Variants in SHC4 observed in about 807,000 individuals in gnomAD.
The protein encoded by SHC4 is SHC adaptor protein 4.
SHC4 carries 41 observed loss-of-function variants against 69.4 expected under a neutral mutation model. The observed-to-expected ratio is 0.59, with a 90% CI of 0.46 to 0.77. The LOEUF is 0.77. SHC4 is among the 30% of genes least tolerant of loss of function. The pLI, the probability that SHC4 is intolerant of heterozygous loss-of-function variation, is 0.00. For missense variants in SHC4, 777 were observed against 783.8 expected, an observed-to-expected ratio of 0.99 and a Z score of 0.10; for synonymous variants, 318 against 299.3, an observed-to-expected ratio of 1.06 and a Z score of -0.64.
chr15:48,904,916 GCACA>G (rs766950039), intron 2 of SHC4, among the ~76,000 whole-genome samples: 2 of 133,244 alleles, frequency 1.5e-5, no homozygotes, highest in Non-Finnish European at 1.6e-5. Context: ...CGACACACAC[GCACA>G]CACACACACA....
At chr15:48,924,312 C>A (rs1900806805) in intron 2 of SHC4, among the ~76,000 whole-genome samples, 1 of 152,162 alleles carries the variant, frequency 6.6e-6, no homozygotes, top group South Asian at 2.1e-4. Context: ...TTTAATGAAC[C>A]ATGCCTTGTA....
At chr15:48,924,818 G>C (rs763370035) in intron 2 of SHC4, 61 bp downstream of exon 2, 30 of 1,546,304 alleles carry the variant, frequency 1.9e-5, no homozygotes, top group Non-Finnish European at 2.3e-5. Context: ...ATTCCTGTGG[G>C]AGAAATTATT....
chr15:48,856,343 T>C (rs1031999000), intron 7 of SHC4, among the ~76,000 whole-genome samples: 17 of 152,164 alleles, frequency 1.1e-4, no homozygotes, highest in African/African-American at 3.9e-4. Flanking sequence ...CAATAGAAAG[T>C]GCCAAGGGTG....
At chr15:48,842,197 A>G (rs1595728505) in intron 10 of SHC4, among the ~76,000 whole-genome samples, 1 of 152,088 alleles carries the variant, frequency 6.6e-6, no homozygotes, top group Non-Finnish European at 1.5e-5. Flanking sequence ...ATTTGGCAGG[A>G]AAGATGTTTG....
At chr15:48,883,024 T>G (rs1899971907) in intron 4 of SHC4, among the ~76,000 whole-genome samples, 1 of 152,220 alleles carries the variant, frequency 6.6e-6, no homozygotes, top group African/African-American at 2.4e-5. Context: ...AGGTGTTGTA[T>G]ACTACTGCTT....
At chr15:48,932,685 C>A (rs1900990091) in intron 1 of SHC4, among the ~76,000 whole-genome samples, 1 of 152,148 alleles carries the variant, frequency 6.6e-6, no homozygotes, top group Non-Finnish European at 1.5e-5. Flanking sequence ...TGAGATCTCT[C>A]CTCTTCCTCC....
At chr15:48,831,667 T>C (rs1289126117) in intron 11 of SHC4, among the ~76,000 whole-genome samples, 1 of 152,260 alleles carries the variant, frequency 6.6e-6, no homozygotes, top group Non-Finnish European at 1.5e-5. Context: ...TCTAGCAATG[T>C]ATTTCTCATA....
intron 2 of SHC4, among the ~76,000 whole-genome samples, chr15:48,897,123 TG>T (rs1250157207): frequency 6.6e-6 from 1 of 152,190 alleles, no homozygotes; most frequent in African/African-American, 2.4e-5. Flanking sequence ...ATTCAGCAAG[TG>T]TCTGCTCTTA....
At chr15:48,934,762 C>A (rs1901036546) in intron 1 of SHC4, among the ~76,000 whole-genome samples, 1 of 152,016 alleles carries the variant, frequency 6.6e-6, no homozygotes, top group South Asian at 2.1e-4. Context: ...TAGTATTTGG[C>A]AATAAAAAGC....
At chr15:48,845,324 T>G (rs1322915392) in intron 9 of SHC4, among the ~76,000 whole-genome samples, 6 of 152,172 alleles carry the variant, frequency 3.9e-5, no homozygotes, top group Non-Finnish European at 8.8e-5. Flanking sequence ...TCTCCTTTAC[T>G]CCTTGTCTGT....
rs888906888 is a variant in SHC4 at position 48,823,847 on chromosome 15, T to C, written c.*2124A>G. ...TAAAGAATGTGAGATTAAAATAGCA[T>C]GCAGACATTCCTTTTATTGTTTCCT... is the stretch of plus-strand genomic sequence containing the variant. On this transcript the variant is annotated 3_prime_UTR_variant, in exon 12 of 12. Transcript: ENST00000332408. 6.6e-6 allele frequency: 1 copy of C among 152,240 alleles called. No homozygotes were observed. Among genetic ancestry groups the C allele is most frequent in the Admixed American group, 6.5e-5 (1 of 15,288 alleles). The allele number at this position is 152,240 out of a possible 1,614,324, so 9.4% of individuals were successfully genotyped here.
chr15:48,907,562 C>T (rs936309204), intron 2 of SHC4, among the ~76,000 whole-genome samples: 11 of 151,986 alleles, frequency 7.2e-5, no homozygotes, highest in Middle Eastern at 3.4e-3. Flanking sequence ...CTCATCCCCT[C>T]CCTCCCTTCC....
intron 11 of SHC4, among the ~76,000 whole-genome samples, chr15:48,828,896 C>A (rs1304677497): frequency 6.6e-6 from 1 of 152,056 alleles, no homozygotes; most frequent in Non-Finnish European, 1.5e-5. Flanking sequence ...GTAGGCGTTC[C>A]TTATATATTT....
chr15:48,962,868 C>T lies in SHC4; in HGVS notation c.148G>A (p.Val50Ile), dbSNP rs1901569520. Residue 50 changes from valine to isoleucine, a missense_variant, in exon 1 of 12, where the codon GTC becomes ATC. Transcript: ENST00000332408. ...SLDEGSSGGS[V>I]GNKGSPQPPH... ...GGCTGCGGCGAGCCCTTGTTCCCGA[C>T]CGAGCCTCCGGAGCTACCTTCGTCC... 3.1e-6 allele frequency: 5 copies of T among 1,613,138 alleles called. No homozygotes were observed. The highest frequency in any genetic ancestry group is 4.2e-6 in the Non-Finnish European group (5 of 1,180,022).
chr15:48,914,903 A>C (rs970745992), intron 2 of SHC4, among the ~76,000 whole-genome samples: 3 of 152,202 alleles, frequency 2.0e-5, no homozygotes, highest in Non-Finnish European at 2.9e-5. Flanking sequence ...TATAAGCATT[A>C]AACAGTAACT....
rs558852753 is a variant in SHC4 at position 48,940,550 on chromosome 15, G to A, written c.586-15601C>T. 8.5e-5 allele frequency among the ~76,000 whole-genome samples: 13 copies of A among 152,242 alleles called. 1 individual carries two copies. The highest frequency in any genetic ancestry group is 1.4e-4 in the African/African-American group (6 of 41,548). On this transcript the variant is annotated intron_variant, in intron 1 of 11. Transcript: ENST00000332408. Reference sequence around the variant, plus strand: ...CAAACTTTCTTCTACTCCATTTTCCGTTTGACTCAGCAGTGTCAAAGGCCA... The same window carrying A: ...CAAACTTTCTTCTACTCCATTTTCCATTTGACTCAGCAGTGTCAAAGGCCA...
intron 5 of SHC4, among the ~76,000 whole-genome samples, chr15:48,870,449 T>C (rs1352159760): frequency 6.6e-6 from 1 of 152,206 alleles, no homozygotes; most frequent in Non-Finnish European, 1.5e-5. Flanking sequence ...TTGGTTTACT[T>C]TTAAAAATGG....
At chr15:48,903,822 A>C (rs1900358399) in intron 2 of SHC4, among the ~76,000 whole-genome samples, 1 of 152,186 alleles carries the variant, frequency 6.6e-6, no homozygotes. Flanking sequence ...GCTATTCACA[A>C]GTATGTGATT....
chr15:48,836,356 A>G (rs1049843863), intron 10 of SHC4, among the ~76,000 whole-genome samples: 3 of 152,130 alleles, frequency 2.0e-5, no homozygotes, highest in Admixed American at 1.3e-4. Flanking sequence ...GAATCTAGCC[A>G]CTCTGCTTTA....
Sources: allele counts gnomAD v4.1 joint callset (sites outside exome capture counted in the v4.1 genomes callset), GRCh38; gene constraint gnomAD v4.1.1; transcripts MANE v1.5; gene names NCBI Gene and HGNC (gene_info 2026-07-23, HGNC 2026-07-21).